Variants in TCN2 observed in about 807,000 individuals in gnomAD.
TCN2 encodes transcobalamin 2.
In TCN2, 34 loss-of-function variants were observed where a neutral mutation model predicts 48.6. The ratio of observed to expected loss-of-function variants is 0.70; its 90% confidence interval spans 0.53 to 0.93. The LOEUF is 0.93. Among genes scored for constraint, TCN2 ranks in the 40% least tolerant of loss-of-function variants. The probability of loss-of-function intolerance (pLI) is 0.00; values close to 1 mark genes in which losing one functional copy is unlikely to be tolerated. For synonymous variants in TCN2, 283 were observed against 212.5 expected, an observed-to-expected ratio of 1.33 and a Z score of -2.89; for missense variants, 652 against 526.1, an observed-to-expected ratio of 1.24 and a Z score of -2.34.
chr22:30,620,690 T>A (rs2145553306), intron 7 of TCN2, among the ~76,000 whole-genome samples: 1 of 152,322 alleles, frequency 6.6e-6, no homozygotes, highest in East Asian at 1.9e-4. Flanking sequence ...CAATTAGAAT[T>A]TAACGTTTTT....
At chr22:30,616,164 G>A (rs2087610782) in intron 6 of TCN2, among the ~76,000 whole-genome samples, 1 of 152,164 alleles carries the variant, frequency 6.6e-6, no homozygotes, top group South Asian at 2.1e-4. Flanking sequence ...AGGGTCTGAG[G>A]ACGTGACTGG....
At chr22:30,608,140 G>T (rs9621047) in intron 1 of TCN2, among the ~76,000 whole-genome samples, 2 of 151,986 alleles carry the variant, frequency 1.3e-5, no homozygotes, top group Non-Finnish European at 2.9e-5. Flanking sequence ...CAGAAGGCAG[G>T]CTTTGGGAAC....
At chr22:30,615,162 G>C in intron 4 of TCN2, 139 bp from the exon 5 acceptor site, 6 of 859,168 alleles carry the variant, frequency 7.0e-6, no homozygotes, top group Non-Finnish European at 1.2e-5. Context: ...GGTGCCCTTA[G>C]CTGATCTGAC....
intron 7 of TCN2, among the ~76,000 whole-genome samples, chr22:30,618,503 C>T (rs1216490589): frequency 6.6e-6 from 1 of 152,122 alleles, no homozygotes; most frequent in Non-Finnish European, 1.5e-5. Flanking sequence ...AGGCGCGTGC[C>T]ACCATGCCCA....
chr22:30,617,660 A>G, intron 7 of TCN2, 165 bp downstream of exon 7: 2 of 944,004 alleles, frequency 2.1e-6, no homozygotes, highest in Non-Finnish European at 3.2e-6. Context: ...TGTTATGGAA[A>G]CAGGGAGCCA....
intron 6 of TCN2, 45 bp downstream of exon 6, chr22:30,615,832 C>G: frequency 6.2e-7 from 1 of 1,609,670 alleles, no homozygotes; most frequent in Non-Finnish European, 8.5e-7. Flanking sequence ...CAATCTGCTG[C>G]GCACCCATTG....
Position 30,617,501 on chromosome 22 carries a change from A to T in TCN2, c.1106+6A>T, listed in dbSNP as rs1391132168. On this transcript the variant is annotated splice_donor_region_variant and intron_variant, in intron 7 of 8. Transcript: ENST00000215838. ...CATGAGTTAGGAGGATTCACGTGAG[A>T]CTCCCACCTCCCAGTCCTCACCCCA... 6.2e-7 allele frequency: 1 copy of T among 1,613,718 alleles called. No individual in the cohort carries two copies. The highest frequency in any genetic ancestry group is 8.5e-7 in the Non-Finnish European group (1 of 1,179,916).
chr22:30,621,847 C>T (rs1391079182), intron 7 of TCN2, among the ~76,000 whole-genome samples: 1 of 152,178 alleles, frequency 6.6e-6, no homozygotes, highest in African/African-American at 2.4e-5. Context: ...TTTCTTCTCT[C>T]TGCCTCCTCT....
At position 30,626,648 on chromosome 22, in the gene TCN2, C is replaced by T. The variant is rs12160073; in HGVS notation, c.*127C>T. On this transcript the variant is annotated 3_prime_UTR_variant, in exon 9 of 9. Transcript: ENST00000215838. ...TCCTGTGCACTTTGAGCAATGCCCC[C>T]TGGGATCACCCCAGCCACAAGCCCT... 0.16 allele frequency: 164,860 copies of T among 1,024,286 alleles called. 15,173 individuals carry two copies. The highest frequency in any genetic ancestry group is 0.19 in the Non-Finnish European group (127,299 of 667,578). The allele number at this position is 1,024,286 out of a possible 1,614,324, so 63.4% of individuals were successfully genotyped here. A position where few individuals can be genotyped will look rare whatever the true frequency, so the allele number is the denominator to read the frequency against.
At position 30,612,900 on chromosome 22, in the gene TCN2, C is replaced by T. The variant is rs1337213288; in HGVS notation, c.285C>T (p.Asp95=). 3 of 1,613,988 alleles carry T rather than the reference C, an allele frequency of 1.9e-6. No individual in the cohort carries two copies. The highest frequency in any genetic ancestry group is 2.7e-5 in the African/African-American group (2 of 74,946). The change falls in exon 3 of 9, where the codon GAC becomes GAT. Residue 95 remains aspartate, a synonymous_variant. Transcript: ENST00000215838. ...LGSAFSEDDG[D]CQGKPSMGQL... is the part of the protein sequence containing the mutation. ...CTGCCTTCAGCGAGGATGACGGTGA[C>T]TGCCAGGGCAAGCCTTCCATGGGCC...
Position 30,612,168 on chromosome 22 carries a change from C to T in TCN2, c.258-705C>T, listed in dbSNP as rs117205986. 6.1e-4 allele frequency among the ~76,000 whole-genome samples: 93 copies of T among 152,188 alleles called. 2 individuals are homozygous for T. In the East Asian group the frequency reaches 0.017, roughly 27 times the overall value. Reference sequence around the variant, plus strand: ...GCAAAGGTGGGAGGATCTTTTGAGGCTGAGAAATCGAGGCTACAGTGAGCC... The same window carrying T: ...GCAAAGGTGGGAGGATCTTTTGAGGTTGAGAAATCGAGGCTACAGTGAGCC... On this transcript the variant is annotated intron_variant, in intron 2 of 8. Transcript: ENST00000215838.
intron 8 of TCN2, among the ~76,000 whole-genome samples, chr22:30,623,674 C>A (rs1318155132): frequency 6.8e-6 from 1 of 147,176 alleles, no homozygotes; most frequent in Non-Finnish European, 1.5e-5. Context: ...TTAAAAATTT[C>A]ATATATGTGT....
In TCN2 at chr22:30,607,364, G is replaced by A. The variant is rs1027452763; in HGVS notation, c.33G>A (p.Leu11=). 1.2e-6 allele frequency: 2 copies of A among 1,614,108 alleles called. No homozygotes were observed. Among genetic ancestry groups the A allele is most frequent in the South Asian group, 1.1e-5 (1 of 91,080 alleles). Residue 11 remains leucine (L), a synonymous_variant, in exon 1 of 9, where the codon CTG becomes CTA. Transcript: ENST00000215838. MRHLGAFLFL[L]GVLGALTEMC... is the part of the protein sequence containing the mutation. Reference sequence around the variant, plus strand: ...ACCTTGGGGCCTTCCTCTTCCTTCTGGGGGTCCTGGGGGCCCTCACTGAGA... The same window carrying A: ...ACCTTGGGGCCTTCCTCTTCCTTCTAGGGGTCCTGGGGGCCCTCACTGAGA...
At position 30,615,818 on chromosome 22, in the gene TCN2, T is replaced by C. The variant is rs550863906; in HGVS notation, c.940+31T>C. On this transcript the variant is annotated intron_variant, in intron 6 of 8. Transcript: ENST00000215838. ...CCAACTTTTTGTGGAAGCACAGCCCTTTACAATCTGCTGCGCACCCATTGA... is the reference window on the plus strand; with the variant it reads ...CCAACTTTTTGTGGAAGCACAGCCCCTTACAATCTGCTGCGCACCCATTGA... The C allele has an allele frequency of 1.4e-4, 222 of 1,613,266 alleles. 3 individuals carry two copies. The South Asian group carries it at 2.2e-3, about 16-fold the overall frequency.
chr22:30,624,436 C>T (rs2087772831), intron 8 of TCN2, among the ~76,000 whole-genome samples: 1 of 152,058 alleles, frequency 6.6e-6, no homozygotes, highest in African/African-American at 2.4e-5. Flanking sequence ...TTTGATACTC[C>T]ACCCCTGAAG....
chr22:30,624,486 C>T (rs566061451), intron 8 of TCN2, among the ~76,000 whole-genome samples: 53 of 152,186 alleles, frequency 3.5e-4, no homozygotes, highest in Admixed American at 2.3e-3. Context: ...AGCATTGTGG[C>T]GAGTGCTTAT....
chr22:30,615,194 G>C lies in TCN2; in HGVS notation c.581-107G>C, dbSNP rs1005142335. 6 of 1,212,414 alleles carry C rather than the reference G, an allele frequency of 4.9e-6. No homozygotes were observed. The African/African-American group carries it at 6.0e-5, about 12-fold the overall frequency. The allele number at this position is 1,212,414 out of a possible 1,614,324, so 75.1% of individuals were successfully genotyped here. A position where few individuals can be genotyped will look rare whatever the true frequency, so the allele number is the denominator to read the frequency against. ...TGACCATGTTGCCCTTCTTCTCCAAGCCCTCCTGTGGTTGTCCATAGCTAC... is the reference window on the plus strand; with the variant it reads ...TGACCATGTTGCCCTTCTTCTCCAACCCCTCCTGTGGTTGTCCATAGCTAC... On this transcript the variant is annotated intron_variant, in intron 4 of 8. Coordinates refer to ENST00000215838, the MANE Select transcript of TCN2 (RefSeq NM_000355.4).
chr22:30,613,855 C>T (rs978564286), intron 3 of TCN2, among the ~76,000 whole-genome samples: 2 of 152,178 alleles, frequency 1.3e-5, no homozygotes, highest in African/African-American at 2.4e-5. Context: ...TCTCTGCCTC[C>T]CACACACCTG....
chr22:30,613,055 C>T lies in TCN2; in HGVS notation c.427+13C>T, dbSNP rs753858269. 1.9e-6 allele frequency: 3 copies of T among 1,613,394 alleles called. No homozygotes were observed. The highest frequency in any genetic ancestry group is 2.7e-5 in the African/African-American group (2 of 74,888). ...AAGAGAGCCATTGGTGAGCAGACAC[C>T]ATCCGCTGGGGGTGGGGAGCAGCTG... On this transcript the variant is annotated intron_variant, in intron 3 of 8. Coordinates refer to ENST00000215838, the MANE Select transcript of TCN2 (RefSeq NM_000355.4).
Sources: allele counts gnomAD v4.1 joint callset (sites outside exome capture counted in the v4.1 genomes callset), GRCh38; gene constraint gnomAD v4.1.1; transcripts MANE v1.5; gene names NCBI Gene and HGNC (gene_info 2026-07-23, HGNC 2026-07-21).